Variants in SUZ12 observed in about 807,000 individuals in gnomAD.
SUZ12 encodes SUZ12 polycomb repressive complex 2 subunit, also known as polycomb protein SUZ12.
A neutral mutation model predicts 87.3 loss-of-function variants in SUZ12; 17 were observed. The observed-to-expected ratio is 0.19, with a 90% confidence interval of 0.13 to 0.29. SUZ12 has a LOEUF of 0.29. SUZ12 is among the 10% of genes least tolerant of loss of function. The pLI is 1.00. For synonymous variants in SUZ12, 253 were observed against 312.4 expected (o/e 0.81, Z 2.01); for missense variants, 526 against 912.2 (o/e 0.58, Z 5.45).
chr17:31,960,785 G>A (rs1016255580), intron 4 of SUZ12, among the ~76,000 whole-genome samples: 16 of 152,068 alleles, frequency 1.1e-4, no homozygotes, highest in African/African-American at 3.4e-4. Flanking sequence ...CACCATGTTG[G>A]CCAGGCTGGT....
intron 3 of SUZ12, among the ~76,000 whole-genome samples, chr17:31,942,616 C>A (rs1427297866): frequency 1.3e-5 from 2 of 152,130 alleles, no homozygotes; most frequent in South Asian, 2.1e-4. Flanking sequence ...GGATTACAGA[C>A]CTGAGCCACA....
chr17:31,980,429 C>CTTTTTTTTTTTTTTTTTTTTTTTTTTT lies in SUZ12; in HGVS notation c.918-2559_918-2533dup. Among the ~76,000 whole-genome samples the CTTTTTTTTTTTTTTTTTTTTTTTTTTT allele has an allele frequency of 3.7e-5, 2 of 53,834 alleles. 1 individual carries two copies. Among genetic ancestry groups the CTTTTTTTTTTTTTTTTTTTTTTTTTTT allele is most frequent in the East Asian group, 2.7e-3 (2 of 732 alleles). The allele number at this position is 53,834 out of a possible 152,430, so 35.3% of individuals were successfully genotyped here. On this transcript the variant is annotated intron_variant, in intron 8 of 15. Transcript: ENST00000322652. The stretch of plus-strand genomic sequence containing the variant: ...TAAGATATACCAGAATCACCTTCTC[C>CTTTTTTTTTTTTTTTTTTTTTTTTTTT]TTTTTTTTTTTTTTTTTTTTTTTTT...
chr17:31,985,843 A>G (rs1222063865), intron 9 of SUZ12, among the ~76,000 whole-genome samples: 3 of 151,526 alleles, frequency 2.0e-5, no homozygotes, highest in Non-Finnish European at 4.4e-5. Context: ...TCATATTTTT[A>G]GTAGAGATGG....
At chr17:31,971,405 T>G (rs1212620336) in intron 5 of SUZ12, among the ~76,000 whole-genome samples, 2 of 151,118 alleles carry the variant, frequency 1.3e-5, no homozygotes, top group Non-Finnish European at 2.9e-5. Context: ...ATTTTGAATG[T>G]GGTTGTCTCC....
intron 9 of SUZ12, among the ~76,000 whole-genome samples, chr17:31,984,695 A>G (rs1281574709): frequency 1.3e-5 from 2 of 152,168 alleles, no homozygotes; most frequent in African/African-American, 2.4e-5. Context: ...AAAAAAACAA[A>G]TATAGATGGC....
In SUZ12 at chr17:31,988,369, C is replaced by G; in HGVS notation, c.1073C>G (p.Thr358Ser). 1 of 1,606,694 alleles carries G rather than the reference C, an allele frequency of 6.2e-7. No homozygotes were observed. The highest frequency in any genetic ancestry group is 1.7e-4 in the Middle Eastern group (1 of 6,038). The change falls in exon 10 of 16, where the codon ACT becomes AGT. Residue 358 changes from threonine (T) to serine (S), a missense_variant. Around this residue, in one of 9 missense-constraint regions of SUZ12, gnomAD observed 85 missense variants for 87.4 expected, o/e 0.97. Coordinates refer to ENST00000322652, the MANE Select transcript of SUZ12 (RefSeq NM_015355.4). ...TFSQGPTLQF[T>S]LRWTGETNDK... Reference sequence around the variant, plus strand: ...TCTCAGGGACCTACGTTGCAGTTCACTCTTCGTTGGACAGGAGAGACCAAT... The same window carrying G: ...TCTCAGGGACCTACGTTGCAGTTCAGTCTTCGTTGGACAGGAGAGACCAAT...
Position 31,937,373 on chromosome 17 carries a change from G to T in SUZ12, c.127G>T (p.Gly43Cys). The T allele has an allele frequency of 6.6e-7, 1 of 1,505,638 alleles. No individual in the cohort carries two copies. The highest frequency in any genetic ancestry group is 8.9e-7 in the Non-Finnish European group (1 of 1,129,596). 93.3% of individuals were successfully genotyped at this position (1,505,638 alleles called of 1,614,324 possible). A position where few individuals can be genotyped will look rare whatever the true frequency, so the allele number is the denominator to read the frequency against. ...AATASGGKSG[G>C]GSCGGGGSYS... ...GACGGCTTCGGGCGGCAAATCCGGCGGCGGGAGCTGTGGAGGGGGTGGCAG... is the reference window on the plus strand; with the variant it reads ...GACGGCTTCGGGCGGCAAATCCGGCTGCGGGAGCTGTGGAGGGGGTGGCAG... Residue 43 changes from glycine (G) to cysteine (C), a missense_variant, in exon 1 of 16, where the codon GGC becomes TGC. Around this residue, in one of 9 missense-constraint regions of SUZ12, gnomAD observed 92 missense variants for 109.9 expected, o/e 0.84. Transcript: ENST00000322652.
intron 5 of SUZ12, among the ~76,000 whole-genome samples, chr17:31,971,156 G>A (rs1042904491): frequency 7.2e-5 from 11 of 152,018 alleles, no homozygotes; most frequent in African/African-American, 2.2e-4. Flanking sequence ...GAAATTCTGG[G>A]GAAAGCATCT....
intron 3 of SUZ12, among the ~76,000 whole-genome samples, chr17:31,946,967 GTC>G (rs940940275): frequency 4.7e-4 from 72 of 152,256 alleles, no homozygotes; most frequent in African/African-American, 1.7e-3. Context: ...GTCAACAACT[GTC>G]TCTTTAATAT....
chr17:31,995,857 T>A, intron 14 of SUZ12, 95 bp downstream of exon 14: 3 of 838,820 alleles, frequency 3.6e-6, no homozygotes, highest in South Asian at 2.0e-5. Flanking sequence ...TAAAGGAACT[T>A]TTTTTAAAAA....
chr17:31,952,501 G>C (rs901417048), intron 4 of SUZ12, among the ~76,000 whole-genome samples: 1 of 152,124 alleles, frequency 6.6e-6, no homozygotes, highest in African/African-American at 2.4e-5. Flanking sequence ...TTGTGTAGTG[G>C]TATATGCTAG....
intron 5 of SUZ12, among the ~76,000 whole-genome samples, chr17:31,971,824 T>G (rs978406925): frequency 3.3e-5 from 5 of 152,164 alleles, no homozygotes; most frequent in South Asian, 2.1e-4. Flanking sequence ...TCATAAATGT[T>G]AAATCTTCAA....
At chr17:31,996,757 A>G in intron 14 of SUZ12, 41 bp from the exon 15 acceptor site, 1 of 1,386,928 alleles carries the variant, frequency 7.2e-7, no homozygotes. Context: ...AGTTTTTCTT[A>G]AAATATGTGT....
chr17:31,946,513 C>G (rs1274799783), intron 3 of SUZ12, among the ~76,000 whole-genome samples: 2 of 152,132 alleles, frequency 1.3e-5, no homozygotes, highest in Non-Finnish European at 2.9e-5. Flanking sequence ...GCCTGGGCAA[C>G]AAGAGTGACA....
chr17:31,978,487 G>A lies in SUZ12; in HGVS notation c.917+1873G>A, dbSNP rs1470050962. On this transcript the variant is annotated intron_variant, in intron 8 of 15. Transcript: ENST00000322652. Reference sequence around the variant, plus strand: ...GCCTCCCAAAGTGCTGGGATTACAGGTGAGCCACCGTGCCCGGCCAGTGTC... The same window carrying A: ...GCCTCCCAAAGTGCTGGGATTACAGATGAGCCACCGTGCCCGGCCAGTGTC... Among the ~76,000 whole-genome samples, 3 of 152,036 alleles carry A rather than the reference G, an allele frequency of 2.0e-5. No individual in the cohort carries two copies. In the East Asian group the frequency reaches 5.8e-4, roughly 29 times the overall value.
At chr17:31,946,153 A>G (rs181958810) in intron 3 of SUZ12, among the ~76,000 whole-genome samples, 16 of 152,274 alleles carry the variant, frequency 1.1e-4, no homozygotes, top group Non-Finnish European at 2.1e-4. Flanking sequence ...TATAGATTGT[A>G]TCAATTCTGC....
At position 31,999,245 on chromosome 17, in the gene SUZ12, T is replaced by C. The variant is rs1910139287; in HGVS notation, c.*242T>C. On this transcript the variant is annotated 3_prime_UTR_variant, in exon 16 of 16. Transcript: ENST00000322652. ...GTACTTTAAGCATGAAAAGCAATATTTCAAAGTATTTTTAAACTCAACAAA... is the reference window on the plus strand; with the variant it reads ...GTACTTTAAGCATGAAAAGCAATATCTCAAAGTATTTTTAAACTCAACAAA... The C allele has an allele frequency of 3.2e-6, 1 of 313,218 alleles. No individual in the cohort carries two copies. The highest frequency in any genetic ancestry group is 5.8e-6 in the Non-Finnish European group (1 of 172,198). The allele number at this position is 313,218 out of a possible 1,614,324, so 19.4% of individuals were successfully genotyped here. A position where few individuals can be genotyped will look rare whatever the true frequency, so the allele number is the denominator to read the frequency against.
At chr17:31,977,997 G>T (rs1191642492) in intron 8 of SUZ12, among the ~76,000 whole-genome samples, 1 of 152,156 alleles carries the variant, frequency 6.6e-6, no homozygotes, top group Non-Finnish European at 1.5e-5. Context: ...ATTTCTGTTT[G>T]GAAACGAAAT....
At chr17:31,949,787 A>G (rs368734646) in intron 4 of SUZ12, among the ~76,000 whole-genome samples, 2 of 141,762 alleles carry the variant, frequency 1.4e-5, no homozygotes, top group Admixed American at 7.4e-5. Flanking sequence ...GGGCTCAAGC[A>G]ATTCACCTGT....
Sources: allele counts gnomAD v4.1 joint callset (sites outside exome capture counted in the v4.1 genomes callset), GRCh38; gene constraint gnomAD v4.1.1; regional missense constraint gnomAD v4.1.1; transcripts MANE v1.5; gene names NCBI Gene and HGNC (gene_info 2026-07-23, HGNC 2026-07-21).